RANBP9: variants seen among roughly 807,000 people sequenced by gnomAD.
RANBP9 encodes ran-binding protein 9.
In RANBP9, 15 loss-of-function variants were observed where a neutral mutation model predicts 84.3. The ratio of observed to expected loss-of-function variants is 0.18; its 90% CI spans 0.12 to 0.27. RANBP9 has a LOEUF of 0.27. Ranked by LOEUF, RANBP9 falls within the 10% of genes least tolerant of loss-of-function variation. The probability of loss-of-function intolerance (pLI) is 1.00; values close to 1 mark genes in which losing one functional copy is unlikely to be tolerated. For missense variants in RANBP9, 809 were observed against 912.8 expected (o/e 0.89, Z 1.46); for synonymous variants, 392 against 349.6 (o/e 1.12, Z -1.35).
chr6:13,685,319 A>T (rs11965800), intron 2 of RANBP9, among the ~76,000 whole-genome samples: 1 of 152,220 alleles, frequency 6.6e-6, no homozygotes, highest in African/African-American at 2.4e-5. Flanking sequence ...AAAGATATTC[A>T]GAGCTTTTAA....
intron 2 of RANBP9, among the ~76,000 whole-genome samples, chr6:13,677,831 C>T (rs143833218): frequency 4.5e-4 from 69 of 152,222 alleles, no homozygotes; most frequent in African/African-American, 1.6e-3. Flanking sequence ...CCAGCAACAA[C>T]TGCAGGCCAG....
intron 10 of RANBP9, among the ~76,000 whole-genome samples, chr6:13,635,610 T>G (rs1386168664): frequency 6.7e-6 from 1 of 149,282 alleles, no homozygotes; most frequent in Non-Finnish European, 1.5e-5. Context: ...TTAGTAAAAT[T>G]GTTAAGGTAA....
At chr6:13,676,934 T>G (rs1765898782) in intron 2 of RANBP9, among the ~76,000 whole-genome samples, 1 of 152,160 alleles carries the variant, frequency 6.6e-6, no homozygotes, top group East Asian at 1.9e-4. Flanking sequence ...CTAGACACTT[T>G]CTCTTTAAGA....
At chr6:13,633,181 C>G (rs948973349) in intron 11 of RANBP9, among the ~76,000 whole-genome samples, 29 of 151,998 alleles carry the variant, frequency 1.9e-4, no homozygotes, top group African/African-American at 7.0e-4. Context: ...ATTACAGGCA[C>G]GCGCCATCAT....
At chr6:13,667,917 G>T (rs1000520093) in intron 2 of RANBP9, among the ~76,000 whole-genome samples, 10 of 151,982 alleles carry the variant, frequency 6.6e-5, no homozygotes, top group African/African-American at 2.2e-4. Context: ...AAAAAAGAAA[G>T]ATCTCTAATT....
chr6:13,668,238 A>G (rs144627847), intron 2 of RANBP9, among the ~76,000 whole-genome samples: 345 of 152,264 alleles, frequency 2.3e-3, no homozygotes, highest in African/African-American at 7.8e-3. Flanking sequence ...CTGAAACTGC[A>G]TAGTAATTTT....
In RANBP9 at chr6:13,652,658, C is replaced by A; in HGVS notation, c.927+1G>T. 6.3e-7 allele frequency: 1 copy of A among 1,590,850 alleles called. No homozygotes were observed. Among genetic ancestry groups the A allele is most frequent in the Non-Finnish European group, 8.6e-7 (1 of 1,165,376 alleles). The stretch of plus-strand genomic sequence containing the variant: ...AAAACTGCTTTTAAAAAAAGTCTTA[C>A]CGGTAGGTCAGTGAAAGCAATACCT... On this transcript the variant is annotated splice_donor_variant, in intron 5 of 13. Transcript: ENST00000011619. LOFTEE classifies it high-confidence loss of function.
chr6:13,687,813 C>G (rs1766224124), intron 2 of RANBP9, among the ~76,000 whole-genome samples: 1 of 152,174 alleles, frequency 6.6e-6, no homozygotes, highest in Non-Finnish European at 1.5e-5. Flanking sequence ...TCAGATAACC[C>G]ACCTAAAAAG....
chr6:13,647,752 T>C (rs1765204084), intron 5 of RANBP9, among the ~76,000 whole-genome samples: 1 of 152,192 alleles, frequency 6.6e-6, no homozygotes, highest in South Asian at 2.1e-4. Flanking sequence ...TTCTGTAATC[T>C]GATATTGATT....
intron 2 of RANBP9, among the ~76,000 whole-genome samples, chr6:13,684,614 C>G (rs1028636483): frequency 2.6e-5 from 4 of 152,152 alleles, no homozygotes; most frequent in African/African-American, 9.7e-5. Context: ...TCTCACAGTT[C>G]CTCAATACCT....
intron 2 of RANBP9, among the ~76,000 whole-genome samples, chr6:13,660,438 GGTTGAGGCTGCA>G (rs938511750): frequency 6.6e-6 from 1 of 152,098 alleles, no homozygotes; most frequent in African/African-American, 2.4e-5. Context: ...GACCCCAGGA[GGTTGAGGCTGCA>G]GTGAGACATG....
chr6:13,631,769 C>A (rs1021794734), intron 12 of RANBP9, among the ~76,000 whole-genome samples: 3 of 152,194 alleles, frequency 2.0e-5, no homozygotes, highest in African/African-American at 7.2e-5. Flanking sequence ...CCTCCACCTT[C>A]AACTGGTACA....
chr6:13,683,455 T>A (rs1472843323), intron 2 of RANBP9, among the ~76,000 whole-genome samples: 1 of 152,214 alleles, frequency 6.6e-6, no homozygotes, highest in Non-Finnish European at 1.5e-5. Flanking sequence ...ATTTTCTTCC[T>A]GAATTTTCAA....
In RANBP9 at chr6:13,710,939, G is replaced by A. The variant is rs764958168; in HGVS notation, c.567C>T (p.Tyr189=). 5 of 1,606,120 alleles carry A rather than the reference G, an allele frequency of 3.1e-6. No homozygotes were observed. Among genetic ancestry groups the A allele is most frequent in the East Asian group, 2.2e-5 (1 of 44,522 alleles). The change falls in exon 1 of 14, where the codon TAC becomes TAT. Residue 189 remains tyrosine, a synonymous_variant. Coordinates refer to ENST00000011619, the MANE Select transcript of RANBP9 (RefSeq NM_005493.3). ...CGCAGGACACACGCCCAGTACCTTTGTAGTGCACCCGCAGGTTGTTCTGAG... is the reference window on the plus strand; with the variant it reads ...CGCAGGACACACGCCCAGTACCTTTATAGTGCACCCGCAGGTTGTTCTGAG... ...GLSQNNLRVH[Y]KGHGKTPKDA...
At chr6:13,625,593 A>T in intron 13 of RANBP9, 60 bp downstream of exon 13, 1 of 1,218,710 alleles carries the variant, frequency 8.2e-7, no homozygotes, top group East Asian at 2.3e-5. Context: ...CAGTACAAAC[A>T]CCCTCTCTTA....
chr6:13,686,223 G>A (rs941427841), intron 2 of RANBP9, among the ~76,000 whole-genome samples: 2 of 148,834 alleles, frequency 1.3e-5, no homozygotes, highest in Admixed American at 6.8e-5. Flanking sequence ...TCCTGGCTCA[G>A]CCTCTCATAT....
intron 2 of RANBP9, among the ~76,000 whole-genome samples, chr6:13,673,093 C>A (rs1392449849): frequency 6.6e-6 from 1 of 152,084 alleles, no homozygotes; most frequent in Non-Finnish European, 1.5e-5. Flanking sequence ...AACATCAACA[C>A]CTCATCTTCA....
At chr6:13,632,118 C>CTTTTTTTTTTTTTTTTTTTTTT (rs752500098) in intron 12 of RANBP9, among the ~76,000 whole-genome samples, 1 of 74,964 alleles carries the variant, frequency 1.3e-5, no homozygotes, top group Non-Finnish European at 2.6e-5. Context: ...GGATTTAATC[C>CTTTTTTTTTTTTTTTTTTTTTT]TTTTTTTTTT....
chr6:13,680,926 A>G (rs925866994), intron 2 of RANBP9, among the ~76,000 whole-genome samples: 1 of 152,222 alleles, frequency 6.6e-6, no homozygotes, highest in Non-Finnish European at 1.5e-5. Flanking sequence ...CAGATAACCA[A>G]AAAATCCTCG....
Sources: gnomAD v4.1 joint callset for allele counts (sites outside exome capture counted in the v4.1 genomes callset) on GRCh38, gnomAD v4.1.1 for gene constraint, MANE v1.5 for transcripts, NCBI Gene and HGNC (gene_info 2026-07-23, HGNC 2026-07-21) for gene names.